The following ZFAND4 variants were observed in gnomAD, a reference collection of about 807,000 sequenced individuals.
ZFAND4 encodes zinc finger AN1-type containing 4, also known as AN1-type zinc finger protein 4.
A neutral mutation model predicts 64.4 loss-of-function variants in ZFAND4; 43 were observed. The ratio of observed to expected loss-of-function variants is 0.67; its 90% CI spans 0.52 to 0.86. ZFAND4 has a LOEUF of 0.86. ZFAND4 is among the 40% of genes least tolerant of loss of function. ZFAND4 has a pLI of 0.00. For missense variants in ZFAND4, 929 were observed against 859.8 expected (o/e 1.08, Z -1.01); for synonymous variants, 296 against 305.7 (o/e 0.97, Z 0.33).
At position 45,616,308 on chromosome 10, in the gene ZFAND4, A is replaced by C. The variant is rs764581120; in HGVS notation, c.*128T>G. 1 of 1,219,570 alleles carries C rather than the reference A, an allele frequency of 8.2e-7. No individual in the cohort carries two copies. The highest frequency in any genetic ancestry group is 1.1e-6 in the Non-Finnish European group (1 of 877,724). The allele number at this position is 1,219,570 out of a possible 1,614,324, so 75.5% of individuals were successfully genotyped here. ...TACAGTAGCATTCTTGTTCTCCAAC[A>C]GTATGCATTGTATGCTTTTGTTATT... On this transcript the variant is annotated 3_prime_UTR_variant, in exon 10 of 10. Coordinates refer to ENST00000344646, the MANE Select transcript of ZFAND4 (RefSeq NM_174890.4).
chr10:45,658,491 A>G (rs886454669), intron 2 of ZFAND4, among the ~76,000 whole-genome samples: 1 of 152,246 alleles, frequency 6.6e-6, no homozygotes, highest in African/African-American at 2.4e-5. Context: ...CTAGCAAACT[A>G]ATACAATATG....
intron 6 of ZFAND4, among the ~76,000 whole-genome samples, chr10:45,632,761 C>T (rs1337013169): frequency 6.6e-6 from 1 of 152,044 alleles, no homozygotes; most frequent in African/African-American, 2.4e-5. Context: ...CAAAATAAGA[C>T]ATTTAAGACC....
In ZFAND4 at chr10:45,622,390, A is replaced by G. The variant is rs114923936; in HGVS notation, c.1927+2193T>C. On this transcript the variant is annotated intron_variant, in intron 8 of 9. Coordinates refer to ENST00000344646, the MANE Select transcript of ZFAND4 (RefSeq NM_174890.4). ...TAAGACCTAAAACTATAAAACTTCT[A>G]GAAGAAAAGATAGGGGAAAAGCTTC... is the stretch of plus-strand genomic sequence containing the variant. Among the ~76,000 whole-genome samples, 349 of 152,344 alleles carry G rather than the reference A, an allele frequency of 2.3e-3. 2 individuals carry two copies. Among genetic ancestry groups the G allele is most frequent in the African/African-American group, 8.0e-3 (334 of 41,586 alleles).
chr10:45,638,327 CAA>C (rs1332591563), intron 6 of ZFAND4, among the ~76,000 whole-genome samples: 13 of 98,946 alleles, frequency 1.3e-4, no homozygotes, highest in African/African-American at 1.1e-4. Context: ...ACTAAAAATA[CAA>C]AAAAAAAAAA....
chr10:45,616,794 T>C (rs967096731), intron 9 of ZFAND4, among the ~76,000 whole-genome samples: 2 of 152,168 alleles, frequency 1.3e-5, no homozygotes, highest in African/African-American at 4.8e-5. Context: ...AAGAAGTCAT[T>C]ATTGACTGAA....
chr10:45,648,904 C>G, intron 4 of ZFAND4: 1 of 964,648 alleles, frequency 1.0e-6, no homozygotes, highest in Non-Finnish European at 1.2e-6. Context: ...ACTTTCTGCT[C>G]CCTATATTTT....
At chr10:45,666,536 T>A (rs935744887) in intron 1 of ZFAND4, among the ~76,000 whole-genome samples, 2 of 152,202 alleles carry the variant, frequency 1.3e-5, no homozygotes, top group African/African-American at 4.8e-5. Flanking sequence ...AGGTTTTTAA[T>A]TTTGTTAAAC....
intron 2 of ZFAND4, among the ~76,000 whole-genome samples, chr10:45,655,731 A>G (rs1163777886): frequency 1.3e-5 from 2 of 152,228 alleles, no homozygotes; most frequent in African/African-American, 4.8e-5. Flanking sequence ...TACTATAAAT[A>G]CCTTTATGCA....
At chr10:45,637,849 C>T (rs1295906434) in intron 6 of ZFAND4, among the ~76,000 whole-genome samples, 3 of 152,054 alleles carry the variant, frequency 2.0e-5, no homozygotes, top group African/African-American at 4.8e-5. Context: ...GAACAAGCCA[C>T]CATAGAGTGT....
intron 8 of ZFAND4, among the ~76,000 whole-genome samples, chr10:45,622,858 C>T (rs764164806): frequency 6.6e-6 from 1 of 151,860 alleles, no homozygotes; most frequent in Non-Finnish European, 1.5e-5. Context: ...CCTGAAATAC[C>T]ATGATTGTTT....
intron 1 of ZFAND4, among the ~76,000 whole-genome samples, chr10:45,668,634 C>A (rs2048985815): frequency 6.6e-6 from 1 of 152,160 alleles, no homozygotes; most frequent in Non-Finnish European, 1.5e-5. Flanking sequence ...CCAAAGTTGA[C>A]CACATAGCTG....
intron 6 of ZFAND4, among the ~76,000 whole-genome samples, chr10:45,631,837 C>T (rs550437607): frequency 9.2e-5 from 14 of 152,050 alleles, no homozygotes; most frequent in Non-Finnish European, 7.4e-5. Flanking sequence ...ATATCTATTA[C>T]GTATCAATGA....
chr10:45,671,384 T>C (rs1335183232), intron 1 of ZFAND4, among the ~76,000 whole-genome samples: 26 of 152,250 alleles, frequency 1.7e-4, no homozygotes, highest in African/African-American at 1.4e-4. Context: ...TGCACACGTA[T>C]GTTTACTGTG....
chr10:45,645,888 G>A (rs2047344745), intron 5 of ZFAND4, among the ~76,000 whole-genome samples: 1 of 152,024 alleles, frequency 6.6e-6, no homozygotes, highest in Non-Finnish European at 1.5e-5. Context: ...GAGAAGATCT[G>A]ATAGAATTTT....
intron 1 of ZFAND4, among the ~76,000 whole-genome samples, chr10:45,670,715 G>A (rs938150176): frequency 1.6e-4 from 25 of 152,116 alleles, no homozygotes; most frequent in Non-Finnish European, 3.1e-4. Flanking sequence ...TGTTAGACCT[G>A]AAACCATAAA....
chr10:45,667,408 T>C (rs1237721856), intron 1 of ZFAND4, among the ~76,000 whole-genome samples: 1 of 151,960 alleles, frequency 6.6e-6, no homozygotes, highest in African/African-American at 2.4e-5. Flanking sequence ...TCATGTCATT[T>C]ACAAATAGAG....
chr10:45,635,318 A>G (rs935387299), intron 6 of ZFAND4, among the ~76,000 whole-genome samples: 1 of 152,028 alleles, frequency 6.6e-6, no homozygotes, highest in African/African-American at 2.4e-5. Context: ...TGACATGAAC[A>G]TAGATGCACA....
intron 6 of ZFAND4, among the ~76,000 whole-genome samples, chr10:45,638,339 A>C (rs1254832309): frequency 6.6e-6 from 1 of 151,540 alleles, no homozygotes; most frequent in Non-Finnish European, 1.5e-5. Flanking sequence ...AAAAAAAAAA[A>C]AAAAATTAGC....
intron 8 of ZFAND4, among the ~76,000 whole-genome samples, chr10:45,619,776 A>G (rs2045276700): frequency 6.6e-6 from 1 of 152,182 alleles, no homozygotes; most frequent in Admixed American, 6.5e-5. Context: ...TTACCAGTAT[A>G]AAATACACTT....
Sources: allele counts gnomAD v4.1 joint callset (sites outside exome capture counted in the v4.1 genomes callset), GRCh38; gene constraint gnomAD v4.1.1; transcripts MANE v1.5; gene names NCBI Gene and HGNC (gene_info 2026-07-23, HGNC 2026-07-21).